Variants in PCDH15 observed in about 807,000 individuals in gnomAD.
PCDH15 encodes protocadherin-15.
PCDH15 carries 129 observed loss-of-function variants against 178.5 expected under a neutral mutation model. The ratio of observed to expected loss-of-function variants is 0.72; its 90% confidence interval spans 0.63 to 0.84. PCDH15 has a LOEUF of 0.84. PCDH15 is among the 40% of genes least tolerant of loss of function. The pLI is 0.00. For synonymous variants in PCDH15, 800 were observed against 732.0 expected (o/e 1.09, Z -1.50); for missense variants, 2,230 against 2,099.9 (o/e 1.06, Z -1.21).
chr10:55,313,995 C>T (rs1445061560), intron 1 of PCDH15, among the ~76,000 whole-genome samples: 1 of 151,914 alleles, frequency 6.6e-6, no homozygotes, highest in Non-Finnish European at 1.5e-5. Context: ...GGAACATAAT[C>T]TTCCTTTTAG....
chr10:54,003,298 A>G (rs925632431), intron 20 of PCDH15, among the ~76,000 whole-genome samples: 1 of 152,164 alleles, frequency 6.6e-6, no homozygotes, highest in African/African-American at 2.4e-5. Context: ...AGAAAACAAT[A>G]AAAAGATCAA....
intron 12 of PCDH15, among the ~76,000 whole-genome samples, chr10:54,183,888 C>G (rs1010613671): frequency 6.6e-6 from 1 of 152,078 alleles, no homozygotes; most frequent in Non-Finnish European, 1.5e-5. Context: ...ACATTGCTGA[C>G]TCTTAGGGTT....
chr10:53,876,156 GA>G (rs1281724174), intron 26 of PCDH15, among the ~76,000 whole-genome samples: 1 of 150,816 alleles, frequency 6.6e-6, no homozygotes, highest in African/African-American at 2.4e-5. Context: ...TGGCAGGTTA[GA>G]ACCACTTTAA....
chr10:54,146,218 TA>T (rs1423335544), intron 14 of PCDH15, among the ~76,000 whole-genome samples: 4 of 152,024 alleles, frequency 2.6e-5, no homozygotes, highest in Non-Finnish European at 5.9e-5. Flanking sequence ...AATTGTATTT[TA>T]AAAAGAATGT....
At position 55,276,764 on chromosome 10, in the gene PCDH15, C is replaced by T. The variant is rs559844255; in HGVS notation, c.-156+42835G>A. On this transcript the variant is annotated intron_variant, in intron 1 of 5. Transcript: ENST00000458638. ...CAGGATCATTTGGTATAAAATTGGACGCATTATTTCCTTAAATATATAATA... is the reference window on the plus strand; with the variant it reads ...CAGGATCATTTGGTATAAAATTGGATGCATTATTTCCTTAAATATATAATA... 1.7e-3 allele frequency among the ~76,000 whole-genome samples: 265 copies of T among 151,514 alleles called. 1 individual carries two copies. Among genetic ancestry groups the T allele is most frequent in the African/African-American group, 5.5e-3 (227 of 41,302 alleles).
At chr10:54,569,655 T>C (rs2089521071) in intron 2 of PCDH15, among the ~76,000 whole-genome samples, 1 of 152,190 alleles carries the variant, frequency 6.6e-6, no homozygotes, top group African/African-American at 2.4e-5. Flanking sequence ...TTGGGGGATT[T>C]TTCAAACCAA....
chr10:54,931,757 G>A (rs963136500), intron 2 of PCDH15, among the ~76,000 whole-genome samples: 1 of 151,998 alleles, frequency 6.6e-6, no homozygotes, highest in Non-Finnish European at 1.5e-5. Context: ...GGATTTGCAG[G>A]GTTTTTTAAA....
chr10:54,834,698 C>A (rs936664724), intron 3 of PCDH15, among the ~76,000 whole-genome samples: 8 of 152,076 alleles, frequency 5.3e-5, no homozygotes, highest in Admixed American at 2.0e-4. Flanking sequence ...ATTTTATGTT[C>A]ATTTAAGATG....
chr10:54,322,484 C>G (rs569118842), intron 7 of PCDH15, among the ~76,000 whole-genome samples: 2 of 152,092 alleles, frequency 1.3e-5, no homozygotes, highest in African/African-American at 4.8e-5. Context: ...TCAACCAGTA[C>G]TCTGAACAGA....
chr10:54,149,035 G>T (rs1461185722), intron 14 of PCDH15, among the ~76,000 whole-genome samples: 1 of 151,656 alleles, frequency 6.6e-6, no homozygotes, highest in Non-Finnish European at 1.5e-5. Context: ...TTATGCCCCA[G>T]TAACACTGAC....
chr10:53,857,607 A>T (rs2078842085), intron 27 of PCDH15, among the ~76,000 whole-genome samples: 1 of 152,060 alleles, frequency 6.6e-6, no homozygotes, highest in Non-Finnish European at 1.5e-5. Flanking sequence ...CACCCAAGAT[A>T]ATGAAAAATA....
chr10:55,418,055 T>C (rs1838527210), intron 2 of PCDH15, among the ~76,000 whole-genome samples: 1 of 151,542 alleles, frequency 6.6e-6, no homozygotes. Flanking sequence ...GGTAGGAAAA[T>C]TCTACCTTTG....
At chr10:53,892,020 GTTTTTTTTTT>G (rs869122093) in intron 26 of PCDH15, among the ~76,000 whole-genome samples, 30 of 91,876 alleles carry the variant, frequency 3.3e-4, no homozygotes, top group Middle Eastern at 7.6e-3. Context: ...TTACATCTAT[GTTTTTTTTTT>G]TTTTTTTTTT....
In PCDH15 at chr10:55,442,932, A is replaced by G. The variant is rs964050465; in HGVS notation, c.-156+184693T>C. On this transcript the variant is annotated intron_variant, in intron 2 of 5. Transcript: ENST00000613346. ...ATGGAACATTCCAGATCAAGAGGAAAAAGATATAGATATTATAGTACAAAT... is the reference window on the plus strand; with the variant it reads ...ATGGAACATTCCAGATCAAGAGGAAGAAGATATAGATATTATAGTACAAAT... Among the ~76,000 whole-genome samples the G allele has an allele frequency of 4.0e-4, 61 of 152,150 alleles. 1 individual carries two copies. The highest frequency in any genetic ancestry group is 1.5e-4 in the Non-Finnish European group (10 of 68,014).
intron 11 of PCDH15, among the ~76,000 whole-genome samples, chr10:54,190,215 C>A (rs2048867610): frequency 1.3e-5 from 2 of 152,080 alleles, no homozygotes; most frequent in South Asian, 4.1e-4. Flanking sequence ...TTGGCATTTA[C>A]CATCTGGAAT....
intron 2 of PCDH15, among the ~76,000 whole-genome samples, chr10:55,347,612 C>T (rs1202990760): frequency 2.0e-5 from 3 of 151,962 alleles, no homozygotes; most frequent in Non-Finnish European, 4.4e-5. Context: ...AATTAATTAC[C>T]CTAGGGCATT....
At chr10:55,137,224 AC>A (rs1374884741) in intron 2 of PCDH15, among the ~76,000 whole-genome samples, 4 of 152,174 alleles carry the variant, frequency 2.6e-5, no homozygotes, top group African/African-American at 9.7e-5. Flanking sequence ...GACTGCACAT[AC>A]AATGGTTGTC....
intron 14 of PCDH15, among the ~76,000 whole-genome samples, chr10:54,143,060 A>C (rs6481062): frequency 0.32 from 48,837 of 151,928 alleles, 9,238 homozygotes; most frequent in African/African-American, 0.52. Flanking sequence ...TGTGAACTCA[A>C]ACCAACCTTT....
At chr10:55,228,488 C>T (rs979680972) in intron 1 of PCDH15, among the ~76,000 whole-genome samples, 7 of 151,794 alleles carry the variant, frequency 4.6e-5, no homozygotes, top group East Asian at 1.9e-4. Context: ...AAAAATTAAA[C>T]GAAATAAAAC....
Sources: allele counts gnomAD v4.1 joint callset (sites outside exome capture counted in the v4.1 genomes callset), GRCh38; gene constraint gnomAD v4.1.1; transcripts MANE v1.5; gene names NCBI Gene and HGNC (gene_info 2026-07-23, HGNC 2026-07-21).